Variants in BCAS1 observed in about 807,000 individuals in gnomAD.
BCAS1 encodes the protein brain enriched myelin associated protein 1.
BCAS1 carries 46 observed loss-of-function variants against 65.4 expected under a neutral mutation model. That is an observed-to-expected ratio of 0.70 (90% CI 0.55 to 0.90). BCAS1 has a LOEUF of 0.90. BCAS1 is among the 40% of genes least tolerant of loss of function. The probability of loss-of-function intolerance (pLI) is 0.00; values close to 1 mark genes in which losing one functional copy is unlikely to be tolerated. For missense variants in BCAS1, 793 were observed against 771.2 expected, an observed-to-expected ratio of 1.03 and a Z score of -0.33; for synonymous variants, 298 against 293.5, an observed-to-expected ratio of 1.02 and a Z score of -0.16.
intron 9 of BCAS1, among the ~76,000 whole-genome samples, chr20:53,973,909 T>C (rs908530467): frequency 6.6e-5 from 10 of 152,114 alleles, no homozygotes; most frequent in Admixed American, 6.6e-4. Flanking sequence ...TTGGAGAACT[T>C]TTCTGTCTAG....
intron 9 of BCAS1, 86 bp from the exon 10 acceptor site, chr20:53,967,159 C>A (rs1211476139): frequency 5.0e-6 from 7 of 1,401,826 alleles, no homozygotes; most frequent in Non-Finnish European, 5.9e-6. Flanking sequence ...CTTGTTGCCC[C>A]CCTGTCCACA....
intron 4 of BCAS1, among the ~76,000 whole-genome samples, chr20:54,015,750 T>C (rs371261201): frequency 7.2e-5 from 11 of 152,356 alleles, no homozygotes; most frequent in African/African-American, 2.6e-4. Context: ...AATAACCTCT[T>C]GTTGAACTGT....
intron 8 of BCAS1, among the ~76,000 whole-genome samples, chr20:53,979,922 G>C (rs117504234): frequency 0.018 from 2,802 of 152,264 alleles, 35 homozygotes; most frequent in Non-Finnish European, 0.028. Context: ...AATTTTTCTT[G>C]AGTAATTCTA....
At chr20:54,033,095 G>T (rs930963907) in intron 3 of BCAS1, among the ~76,000 whole-genome samples, 6 of 151,020 alleles carry the variant, frequency 4.0e-5, no homozygotes, top group Admixed American at 2.7e-4. Context: ...GAAGTTTTTT[G>T]AACTAATGAG....
At chr20:54,008,189 T>G (rs751080596) in intron 4 of BCAS1, among the ~76,000 whole-genome samples, 4 of 152,182 alleles carry the variant, frequency 2.6e-5, no homozygotes, top group Non-Finnish European at 4.4e-5. Context: ...GAGCCTAGAC[T>G]TCCACTTTCA....
intron 7 of BCAS1, among the ~76,000 whole-genome samples, chr20:53,990,488 C>G (rs2090728564): frequency 6.6e-6 from 1 of 152,044 alleles, no homozygotes; most frequent in Non-Finnish European, 1.5e-5. Flanking sequence ...AAATAAAGCC[C>G]CAGAATTAAC....
At chr20:54,029,314 C>T (rs768368524) in intron 3 of BCAS1, 27 of 830,564 alleles carry the variant, frequency 3.3e-5, no homozygotes, top group Non-Finnish European at 2.2e-5. Flanking sequence ...GGAGGCAGTA[C>T]AGCAGTTAGG....
In BCAS1 at chr20:54,028,623, G is replaced by A; in HGVS notation, c.492C>T (p.Leu164=). 1 of 1,614,184 alleles carries A rather than the reference G, an allele frequency of 6.2e-7. No individual in the cohort carries two copies. Among genetic ancestry groups the A allele is most frequent in the South Asian group, 1.1e-5 (1 of 91,078 alleles). The change falls in exon 4 of 13, where the codon CTC becomes CTT. Residue 164 remains leucine (L), a synonymous_variant. Transcript: ENST00000688948. ...GAAGCGTGGGATCCCTGGCGGCAGA[G>A]AGGACCTTGTCTTGGGCCGGGGCGT... ...PGHAPAQDKV[L]SAARDPTLLP...
chr20:54,038,587 G>A (rs2091937977), intron 3 of BCAS1, among the ~76,000 whole-genome samples: 1 of 151,400 alleles, frequency 6.6e-6, no homozygotes, highest in Non-Finnish European at 1.5e-5. Flanking sequence ...CTGAGTCTCT[G>A]AGAAGAGACT....
At chr20:54,050,511 G>A (rs896059856) in intron 3 of BCAS1, among the ~76,000 whole-genome samples, 8 of 152,196 alleles carry the variant, frequency 5.3e-5, no homozygotes, top group African/African-American at 1.4e-4. Context: ...TGGTTCTATG[G>A]GAGAGGATGA....
chr20:53,991,128 A>C (rs1386696826), intron 7 of BCAS1, among the ~76,000 whole-genome samples: 1 of 152,174 alleles, frequency 6.6e-6, no homozygotes, highest in Non-Finnish European at 1.5e-5. Flanking sequence ...CACTTCTTAA[A>C]CTTTCAAGGC....
intron 3 of BCAS1, among the ~76,000 whole-genome samples, chr20:54,041,031 T>C (rs1303358970): frequency 1.3e-5 from 2 of 151,428 alleles, no homozygotes; most frequent in African/African-American, 2.4e-5. Context: ...TGTTATATCA[T>C]GCTTTATACT....
intron 11 of BCAS1, among the ~76,000 whole-genome samples, chr20:53,956,297 C>T (rs1291189749): frequency 2.6e-5 from 4 of 151,978 alleles, no homozygotes; most frequent in Non-Finnish European, 4.4e-5. Context: ...CTCTCTCTGC[C>T]GTGTAAGGAC....
chr20:54,045,721 T>G (rs2092091570), intron 3 of BCAS1, among the ~76,000 whole-genome samples: 1 of 152,262 alleles, frequency 6.6e-6, no homozygotes, highest in African/African-American at 2.4e-5. Flanking sequence ...ATAAGGCAAC[T>G]GTGTAATTGT....
At chr20:53,989,152 G>A (rs1004051161) in intron 7 of BCAS1, among the ~76,000 whole-genome samples, 1 of 152,026 alleles carries the variant, frequency 6.6e-6, no homozygotes, top group Non-Finnish European at 1.5e-5. Flanking sequence ...AGGGAAGGGT[G>A]ATTAGGGCAA....
At chr20:54,062,235 T>TA (rs890950707) in intron 1 of BCAS1, among the ~76,000 whole-genome samples, 3 of 152,178 alleles carry the variant, frequency 2.0e-5, no homozygotes, top group East Asian at 1.9e-4. Flanking sequence ...ACAACAACTC[T>TA]AAAAAATCAT....
chr20:54,068,268 C>T lies in BCAS1; in HGVS notation c.-6+2165G>A, dbSNP rs144691845. On this transcript the variant is annotated intron_variant, in intron 1 of 12. Coordinates refer to ENST00000688948, the MANE Select transcript of BCAS1 (RefSeq NM_001366298.2). Reference sequence around the variant, plus strand: ...GAGTACTTAATTATGTTTGCACAAACGGATGGTAATCCTAAAAATCTTAGA... The same window carrying T: ...GAGTACTTAATTATGTTTGCACAAATGGATGGTAATCCTAAAAATCTTAGA... 24 of 154,448 alleles carry T rather than the reference C, an allele frequency of 1.6e-4. 2 individuals carry two copies. The highest frequency in any genetic ancestry group is 5.8e-4 in the East Asian group (3 of 5,184). 9.6% of individuals were successfully genotyped at this position (154,448 alleles called of 1,614,324 possible). A position where few individuals can be genotyped will look rare whatever the true frequency, so the allele number is the denominator to read the frequency against.
At chr20:53,949,908 G>T (rs2089458887) in intron 12 of BCAS1, among the ~76,000 whole-genome samples, 1 of 152,162 alleles carries the variant, frequency 6.6e-6, no homozygotes, top group African/African-American at 2.4e-5. Flanking sequence ...TGTAATTAGT[G>T]TCTCAAACCT....
At chr20:54,005,563 C>T (rs1388219771) in intron 4 of BCAS1, among the ~76,000 whole-genome samples, 1 of 152,204 alleles carries the variant, frequency 6.6e-6, no homozygotes, top group Non-Finnish European at 1.5e-5. Flanking sequence ...TTAGAATCAC[C>T]TGGGCAGCTT....
Sources: allele counts gnomAD v4.1 joint callset (sites outside exome capture counted in the v4.1 genomes callset), GRCh38; gene constraint gnomAD v4.1.1; transcripts MANE v1.5; gene names NCBI Gene and HGNC (gene_info 2026-07-23, HGNC 2026-07-21).